EXOC1: variants seen among roughly 807,000 people sequenced by gnomAD.
The protein encoded by EXOC1 is SEC3-like 1.
Under a neutral mutation model 107.7 loss-of-function variants are expected in EXOC1, and 67 were observed. The ratio of observed to expected loss-of-function variants is 0.62; its 90% CI spans 0.51 to 0.76. The LOEUF is 0.76. Ranked by LOEUF, EXOC1 falls within the 30% of genes least tolerant of loss-of-function variation. The pLI is 0.00. For synonymous variants in EXOC1, 348 were observed against 353.5 expected (o/e 0.98, Z 0.17); for missense variants, 833 against 1,055.7 (o/e 0.79, Z 2.92).
At chr4:55,878,110 C>G (rs780789498) in intron 9 of EXOC1, 44 bp downstream of exon 9, 1 of 1,585,782 alleles carries the variant, frequency 6.3e-7, no homozygotes, top group Non-Finnish European at 8.6e-7. Flanking sequence ...AGAGCATTAT[C>G]TTTTAGAATT....
rs764845637 is a variant in EXOC1, at chr4:55,870,893, A to G, written c.819A>G (p.Ile273Met). 4 of 1,612,866 alleles carry G rather than the reference A, an allele frequency of 2.5e-6. No individual in the cohort carries two copies. The highest frequency in any genetic ancestry group is 3.4e-6 in the Non-Finnish European group (4 of 1,179,112). ...NTNNVKLLSE[I>M]EFLVNHMDLA... ...ATAATGTAAAACTCCTATCTGAGAT[A>G]GAGTTCCTTGTGGTAAGTATGATCA... Residue 273 changes from isoleucine (I) to methionine (M), a missense_variant, in exon 6 of 19, where the codon ATA becomes ATG. Coordinates refer to ENST00000381295, the MANE Select transcript of EXOC1 (RefSeq NM_001024924.2).
chr4:55,876,950 C>A (rs1722958412), intron 8 of EXOC1: 1 of 985,126 alleles, frequency 1.0e-6, no homozygotes, highest in Admixed American at 6.2e-5. Flanking sequence ...GTCTTATACT[C>A]CCATCTTTCT....
At chr4:55,890,137 T>C (rs1724347527) in intron 11 of EXOC1, 86 bp from the exon 12 acceptor site, 1 of 1,310,350 alleles carries the variant, frequency 7.6e-7, no homozygotes, top group African/African-American at 1.5e-5. Flanking sequence ...ATCAAGCCAG[T>C]AGAAGATAGA....
At chr4:55,894,185 C>T (rs1014840119) in intron 15 of EXOC1, among the ~76,000 whole-genome samples, 4 of 152,016 alleles carry the variant, frequency 2.6e-5, no homozygotes, top group Non-Finnish European at 4.4e-5. Context: ...ATTAGCCGGG[C>T]GTGGTAGCAC....
At chr4:55,868,099 G>C (rs908594664) in intron 4 of EXOC1, among the ~76,000 whole-genome samples, 1 of 152,108 alleles carries the variant, frequency 6.6e-6, no homozygotes, top group Non-Finnish European at 1.5e-5. Flanking sequence ...TTTAACATTT[G>C]TAAGTTAGTG....
intron 15 of EXOC1, among the ~76,000 whole-genome samples, chr4:55,895,054 G>T (rs550087049): frequency 2.0e-5 from 3 of 152,110 alleles, no homozygotes; most frequent in Non-Finnish European, 4.4e-5. Flanking sequence ...TTTCTCATAA[G>T]TTGCATATAT....
intron 14 of EXOC1, 128 bp downstream of exon 14, chr4:55,892,839 C>T (rs2109465936): frequency 1.3e-6 from 1 of 776,684 alleles, no homozygotes; most frequent in Admixed American, 2.4e-5. Flanking sequence ...CATGTGTGTC[C>T]ATTGTCTTAT....
chr4:55,897,745 A>G (rs1184345666), intron 16 of EXOC1, among the ~76,000 whole-genome samples: 1 of 152,092 alleles, frequency 6.6e-6, no homozygotes, highest in Non-Finnish European at 1.5e-5. Flanking sequence ...CCTCCTAAGT[A>G]GCTGGGATTA....
At chr4:55,869,178 C>T (rs1722215512) in intron 5 of EXOC1, among the ~76,000 whole-genome samples, 1 of 151,768 alleles carries the variant, frequency 6.6e-6, no homozygotes, top group Non-Finnish European at 1.5e-5. Context: ...CGAGCCTGGC[C>T]AACATGGCAA....
chr4:55,900,173 C>T (rs1161049814), intron 17 of EXOC1, among the ~76,000 whole-genome samples: 1 of 151,990 alleles, frequency 6.6e-6, no homozygotes. Flanking sequence ...GATGTGTAAG[C>T]TAAGATAATA....
At chr4:55,876,348 G>A (rs1193095898) in intron 8 of EXOC1, 3 of 970,508 alleles carry the variant, frequency 3.1e-6, no homozygotes, top group Non-Finnish European at 3.7e-6. Flanking sequence ...TGGGGGTCAG[G>A]AGTGTTTTTA....
intron 4 of EXOC1, chr4:55,866,865 T>C: frequency 1.0e-6 from 1 of 985,318 alleles, no homozygotes; most frequent in Non-Finnish European, 1.2e-6. Context: ...TACTTTTTAC[T>C]CTCCAGAACT....
In EXOC1 at chr4:55,894,050, C is replaced by T. The variant is rs202018866; in HGVS notation, c.1953+270C>T. 1.4e-4 allele frequency among the ~76,000 whole-genome samples: 22 copies of T among 152,194 alleles called. No homozygotes were observed. The East Asian group carries it at 2.9e-3, about 20-fold the overall frequency. ...CTTAAGAGATCCACTGGAGGCCAGA[C>T]GCAGTGACTCACACCTGTAATGCCA... On this transcript the variant is annotated intron_variant, in intron 15 of 18. Coordinates refer to ENST00000381295, the MANE Select transcript of EXOC1 (RefSeq NM_001024924.2).
intron 17 of EXOC1, chr4:55,900,511 A>G (rs1293446713): frequency 6.6e-6 from 1 of 152,178 alleles, no homozygotes. Flanking sequence ...TTTACAAGAT[A>G]GTGAAAGCTT....
chr4:55,900,316 A>G (rs1158039487), intron 17 of EXOC1, among the ~76,000 whole-genome samples: 2 of 152,198 alleles, frequency 1.3e-5, no homozygotes, highest in Non-Finnish European at 2.9e-5. Flanking sequence ...TTCTTACTTT[A>G]TAAATGACCA....
intron 4 of EXOC1, chr4:55,867,014 A>C: frequency 2.5e-6 from 1 of 403,162 alleles, no homozygotes; most frequent in Non-Finnish European, 3.4e-6. Context: ...AAATCTACAT[A>C]GTAATAAAAT....
intron 11 of EXOC1, among the ~76,000 whole-genome samples, chr4:55,889,689 A>G (rs557401379): frequency 6.6e-6 from 1 of 152,212 alleles, no homozygotes; most frequent in Non-Finnish European, 1.5e-5. Flanking sequence ...AAGTTGAATC[A>G]TATGTAATTG....
At chr4:55,878,326 T>C (rs1723082706) in intron 9 of EXOC1, among the ~76,000 whole-genome samples, 1 of 152,230 alleles carries the variant, frequency 6.6e-6, no homozygotes, top group African/African-American at 2.4e-5. Flanking sequence ...TATGCTTATT[T>C]CCTGAGTTTC....
chr4:55,864,254 G>GA lies in EXOC1; in HGVS notation c.289dup (p.Ile97AsnfsTer3). 1 of 1,584,822 alleles carries GA rather than the reference G, an allele frequency of 6.3e-7. No homozygotes were observed. The highest frequency in any genetic ancestry group is 8.6e-7 in the Non-Finnish European group (1 of 1,166,168). On this transcript the variant is annotated frameshift_variant, in exon 4 of 19. Transcript: ENST00000381295. LOFTEE classifies it high-confidence loss of function. ...AAATCCTGAATTTGATTTACACTTT[G>GA]AAAAAATATATAAATGGGTTGCCAG...
Sources: gnomAD v4.1 joint callset for allele counts (sites outside exome capture counted in the v4.1 genomes callset) on GRCh38, gnomAD v4.1.1 for gene constraint, MANE v1.5 for transcripts, NCBI Gene and HGNC (gene_info 2026-07-23, HGNC 2026-07-21) for gene names.